The following APBB1IP variants were observed in gnomAD, a reference collection of about 807,000 sequenced individuals.
The protein encoded by APBB1IP is amyloid beta precursor protein binding family B member 1 interacting protein, also known as amyloid beta A4 precursor protein-binding family B member 1-interacting protein.
APBB1IP carries 27 observed loss-of-function variants against 64.9 expected under a neutral mutation model. The ratio of observed to expected loss-of-function variants is 0.42; its 90% CI spans 0.31 to 0.57. The LOEUF is 0.57. Among genes scored for constraint, APBB1IP ranks in the 20% least tolerant of loss-of-function variants. The probability of loss-of-function intolerance (pLI) is 0.20; values close to 1 mark genes in which losing one functional copy is unlikely to be tolerated. For synonymous variants in APBB1IP, 392 were observed against 331.0 expected (o/e 1.18, Z -2.00); for missense variants, 812 against 845.5 (o/e 0.96, Z 0.49).
intron 9 of APBB1IP, 31 bp downstream of exon 9, chr10:26,533,556 G>A: frequency 7.0e-7 from 1 of 1,430,672 alleles, no homozygotes; most frequent in Non-Finnish European, 9.5e-7. Flanking sequence ...TGGAAGAAAA[G>A]AGAAGGACGT....
intron 11 of APBB1IP, among the ~76,000 whole-genome samples, chr10:26,553,488 CA>C (rs1176441266): frequency 6.6e-6 from 1 of 152,040 alleles, no homozygotes; most frequent in Admixed American, 6.5e-5. Flanking sequence ...CTCGTCTCTA[CA>C]AAAAATTTAA....
At chr10:26,545,476 T>G (rs1836748354) in intron 11 of APBB1IP, among the ~76,000 whole-genome samples, 1 of 152,030 alleles carries the variant, frequency 6.6e-6, no homozygotes, top group Non-Finnish European at 1.5e-5. Context: ...AATACAAAAA[T>G]TAGGCCGGGC....
rs773977870 is a variant in APBB1IP, at chr10:26,496,380, A to C, written c.149A>C (p.Lys50Thr). 3 of 1,609,642 alleles carry C rather than the reference A, an allele frequency of 1.9e-6. No homozygotes were observed. Among genetic ancestry groups the C allele is most frequent in the Non-Finnish European group, 2.5e-6 (3 of 1,176,618 alleles). ...RAEFNYSVGFKDLNESLNALE... is the reference protein window; with the variant it reads ...RAEFNYSVGFTDLNESLNALE... ...GAATTTAACTACAGTGTGGGGTTTA[A>C]AGATTTAAATGGTAAGCATAACAAT... Residue 50 changes from lysine to threonine, a missense_variant, in exon 4 of 15, where the codon AAA becomes ACA. Physicochemically the swap from Lys to Thr is moderately conservative, Grantham distance 78 (BLOSUM62 -1). This residue lies in a region of APBB1IP where 394 missense variants were observed against 413.1 expected (regional missense o/e 0.95). Coordinates refer to ENST00000376236, the MANE Select transcript of APBB1IP (RefSeq NM_019043.4).
chr10:26,506,883 C>G (rs941370145), intron 6 of APBB1IP, among the ~76,000 whole-genome samples: 11 of 152,184 alleles, frequency 7.2e-5, no homozygotes, highest in Non-Finnish European at 1.3e-4. Context: ...GGCAACCCTA[C>G]CAGCTGGAAC....
chr10:26,550,975 C>T (rs1315651229), intron 11 of APBB1IP, among the ~76,000 whole-genome samples: 4 of 152,206 alleles, frequency 2.6e-5, no homozygotes, highest in African/African-American at 9.6e-5. Flanking sequence ...TACACTAACT[C>T]TGCCGAGGAT....
In APBB1IP at chr10:26,500,836, G is replaced by C. The variant is rs933832988; in HGVS notation, c.178G>C (p.Glu60Gln). Reference sequence around the variant, plus strand: ...CCTACTAGAGTCCTTAAATGCACTGGAAGACCAAGATTTAGATGCTCTCAT... The same window carrying C: ...CCTACTAGAGTCCTTAAATGCACTGCAAGACCAAGATTTAGATGCTCTCAT... The part of the protein sequence containing the change: ...KDLNESLNAL[E>Q]DQDLDALMAD... Residue 60 changes from glutamate to glutamine, a missense_variant, in exon 5 of 15, where the codon GAA becomes CAA. This residue lies in a region of APBB1IP where 394 missense variants were observed against 413.1 expected (regional missense o/e 0.95). Coordinates refer to ENST00000376236, the MANE Select transcript of APBB1IP (RefSeq NM_019043.4). 3.1e-6 allele frequency: 5 copies of C among 1,613,624 alleles called. No homozygotes were observed. The highest frequency in any genetic ancestry group is 1.7e-5 in the Admixed American group (1 of 60,008).
At chr10:26,527,179 A>G (rs1300513151) in intron 8 of APBB1IP, among the ~76,000 whole-genome samples, 1 of 152,184 alleles carries the variant, frequency 6.6e-6, no homozygotes, top group African/African-American at 2.4e-5. Context: ...AGGTCTACCC[A>G]TGACTTCGGT....
intron 4 of APBB1IP, among the ~76,000 whole-genome samples, chr10:26,500,449 CT>C (rs923179694): frequency 6.6e-6 from 1 of 152,158 alleles, no homozygotes; most frequent in African/African-American, 2.4e-5. Flanking sequence ...ATGCTCCCCC[CT>C]CTGCTACTTT....
intron 2 of APBB1IP, among the ~76,000 whole-genome samples, chr10:26,456,845 A>T (rs1835532313): frequency 6.6e-6 from 1 of 152,034 alleles, no homozygotes; most frequent in African/African-American, 2.4e-5. Flanking sequence ...GATGAAAAGT[A>T]AGCTGGGGGC....
At chr10:26,492,111 G>A (rs1019130216) in intron 2 of APBB1IP, among the ~76,000 whole-genome samples, 6 of 152,074 alleles carry the variant, frequency 3.9e-5, no homozygotes, top group African/African-American at 1.2e-4. Context: ...GTGGCTCTGA[G>A]GCATTTCCCA....
chr10:26,446,290 C>T (rs1456344735), intron 2 of APBB1IP, among the ~76,000 whole-genome samples: 2 of 152,174 alleles, frequency 1.3e-5, no homozygotes, highest in Non-Finnish European at 2.9e-5. Flanking sequence ...GTTTTGGATA[C>T]AGTATTGTTT....
At position 26,503,246 on chromosome 10, in the gene APBB1IP, A is replaced by G; in HGVS notation, c.503A>G (p.Glu168Gly). 1 of 1,614,138 alleles carries G rather than the reference A, an allele frequency of 6.2e-7. No homozygotes were observed. The highest frequency in any genetic ancestry group is 8.5e-7 in the Non-Finnish European group (1 of 1,179,984). The change falls in exon 6 of 15, where the codon GAA (glutamate) becomes GGA (glycine). Residue 168 changes from glutamate to glycine, a missense_variant. This residue lies in a region of APBB1IP where 394 missense variants were observed against 413.1 expected (regional missense o/e 0.95). Coordinates refer to ENST00000376236, the MANE Select transcript of APBB1IP (RefSeq NM_019043.4). The stretch of plus-strand genomic sequence containing the variant: ...GCTGATAAAATTAAGCTGGCGCTGG[A>G]AAAACTGAAGGAGGCCAAGGTTAAG... ...AKADKIKLAL[E>G]KLKEAKVKKL...
intron 4 of APBB1IP, among the ~76,000 whole-genome samples, 162 bp from the exon 5 acceptor site, chr10:26,500,657 A>G (rs1169024401): frequency 1.3e-5 from 2 of 152,222 alleles, no homozygotes; most frequent in Non-Finnish European, 2.9e-5. Flanking sequence ...AGGAATTCCT[A>G]CGCTTGTGCT....
chr10:26,530,219 T>G (rs1328219375), intron 8 of APBB1IP, among the ~76,000 whole-genome samples: 2 of 67,716 alleles, frequency 3.0e-5, no homozygotes, highest in African/African-American at 1.1e-4. Flanking sequence ...AAAGCTTTTT[T>G]TTCTTTTTCT....
At chr10:26,439,589 GTACC>G (rs758622575) in intron 2 of APBB1IP, among the ~76,000 whole-genome samples, 29 of 152,188 alleles carry the variant, frequency 1.9e-4, no homozygotes, top group Non-Finnish European at 3.5e-4. Context: ...CTAGCCCGGT[GTACC>G]TCTTACTTTC....
chr10:26,525,309 A>G (rs549970963), intron 8 of APBB1IP, among the ~76,000 whole-genome samples: 1 of 152,190 alleles, frequency 6.6e-6, no homozygotes, highest in Non-Finnish European at 1.5e-5. Flanking sequence ...CTCAGAGTTC[A>G]GTCTTCTACT....
intron 2 of APBB1IP, among the ~76,000 whole-genome samples, chr10:26,452,256 C>T (rs544277769): frequency 6.6e-5 from 10 of 152,178 alleles, no homozygotes; most frequent in East Asian, 5.8e-4. Flanking sequence ...GTTGTACAGA[C>T]GAGGAAACTA....
intron 8 of APBB1IP, among the ~76,000 whole-genome samples, chr10:26,524,983 A>G (rs1836455129): frequency 2.9e-5 from 2 of 68,886 alleles, no homozygotes; most frequent in East Asian, 9.4e-4. Flanking sequence ...TTATAAAAAA[A>G]GGAATCCTGG....
intron 2 of APBB1IP, among the ~76,000 whole-genome samples, chr10:26,481,711 CT>C (rs1180466644): frequency 6.6e-6 from 1 of 151,968 alleles, no homozygotes; most frequent in Non-Finnish European, 1.5e-5. Context: ...TGGTTTTGAA[CT>C]CCTGGCCTCA....
Sources: allele counts gnomAD v4.1 joint callset (sites outside exome capture counted in the v4.1 genomes callset), GRCh38; gene constraint gnomAD v4.1.1; regional missense constraint gnomAD v4.1.1; transcripts MANE v1.5; gene names NCBI Gene and HGNC (gene_info 2026-07-23, HGNC 2026-07-21).